The following ANKS3 variants were observed in gnomAD, a reference collection of about 807,000 sequenced individuals.
The protein encoded by ANKS3 is ankyrin repeat and sterile alpha motif domain containing 3, also known as ankyrin repeat and SAM domain-containing protein 3.
ANKS3 carries 62 observed loss-of-function variants against 80.7 expected under a neutral mutation model. The ratio of observed to expected loss-of-function variants is 0.77; its 90% CI spans 0.63 to 0.95. ANKS3 has a LOEUF of 0.95. Among genes scored for constraint, ANKS3 ranks in the 40% least tolerant of loss-of-function variants. The probability of loss-of-function intolerance (pLI) is 0.00; values close to 1 mark genes in which losing one functional copy is unlikely to be tolerated. For synonymous variants in ANKS3, 489 were observed against 355.3 expected (o/e 1.38, Z -4.23); for missense variants, 1,150 against 883.6 (o/e 1.30, Z -3.82).
rs186442968 is a variant in ANKS3 at position 4,701,714 on chromosome 16, G to A, written c.1010-171C>T. On this transcript the variant is annotated intron_variant, in intron 9 of 17. Transcript: ENST00000304283. ...TAAACCCTCCCCTCTATACAGACGG[G>A]CAGGGCTTCTGTCTTTTTTGTTCAC... 6 of 561,430 alleles carry A rather than the reference G, an allele frequency of 1.1e-5. No homozygotes were observed. The South Asian group carries it at 1.3e-4, about 12-fold the overall frequency. 34.8% of individuals were successfully genotyped at this position (561,430 alleles called of 1,614,324 possible).
chr16:4,715,616 T>C (rs1317057023), intron 6 of ANKS3, among the ~76,000 whole-genome samples: 2 of 151,948 alleles, frequency 1.3e-5, no homozygotes, highest in Non-Finnish European at 2.9e-5. Context: ...AAAAGGATCA[T>C]GATACAAAAC....
chr16:4,734,199 GC>G lies in ANKS3; in HGVS notation c.-333del. On this transcript the variant is annotated 5_prime_UTR_variant, in exon 1 of 18. Coordinates refer to ENST00000304283, the MANE Select transcript of ANKS3 (RefSeq NM_133450.4). ...CTTGCGCCGCCCTCGGGCTGCCGTC[GC>G]CAACCCCCCCCAAACAGCTCGCCGC... 1.7e-5 allele frequency: 2 copies of G among 114,668 alleles called. No individual in the cohort carries two copies. The highest frequency in any genetic ancestry group is 2.6e-5 in the Non-Finnish European group (2 of 76,350). 7.1% of individuals were successfully genotyped at this position (114,668 alleles called of 1,614,324 possible). A position where few individuals can be genotyped will look rare whatever the true frequency, so the allele number is the denominator to read the frequency against.
At position 4,701,520 on chromosome 16, in the gene ANKS3, G is replaced by T. The variant is rs1405295973; in HGVS notation, c.1033C>A (p.Leu345Met). 2 of 1,611,250 alleles carry T rather than the reference G, an allele frequency of 1.2e-6. No individual in the cohort carries two copies. Among genetic ancestry groups the T allele is most frequent in the Non-Finnish European group, 1.7e-6 (2 of 1,178,686 alleles). ...SREEHAFCAN[L>M]GPVQSSSSSE... The stretch of plus-strand genomic sequence containing the variant: ...CTGCTGCTGCTCTGGACGGGCCCCA[G>T]GTTGGCACAGAAAGCATGTTCCTCT... Residue 345 changes from leucine to methionine, a missense_variant, in exon 10 of 18, where the codon CTG becomes ATG. Leu to Met is a conservative substitution (Grantham distance 15, BLOSUM62 2). Coordinates refer to ENST00000304283, the MANE Select transcript of ANKS3 (RefSeq NM_133450.4).
rs142828796 is a variant in ANKS3, at chr16:4,708,771, A to C, written c.710-3518T>G. Among the ~76,000 whole-genome samples the C allele has an allele frequency of 6.0e-4, 65 of 109,204 alleles. No individual in the cohort carries two copies. In the East Asian group the frequency reaches 0.024, roughly 40 times the overall value. 71.6% of individuals were successfully genotyped at this position (109,204 alleles called of 152,430 possible). On this transcript the variant is annotated intron_variant, in intron 7 of 17. Transcript: ENST00000304283. ...AACACAGTGAAACCCTGTCTCTACT[A>C]AAAATACAAAAAAAAAATTAGCCAG... is the stretch of plus-strand genomic sequence containing the variant.
chr16:4,723,854 C>A lies in ANKS3; in HGVS notation c.573+896G>T, dbSNP rs187206657. On this transcript the variant is annotated intron_variant, in intron 6 of 17. Transcript: ENST00000304283. ...ATCGCTTGAGCTCAGGAATTCAAGA[C>A]TAGCCTGCACAACATACTGAGACCC... Among the ~76,000 whole-genome samples, 178 of 151,960 alleles carry A rather than the reference C, an allele frequency of 1.2e-3. 1 individual carries two copies. The highest frequency in any genetic ancestry group is 3.9e-3 in the African/African-American group (161 of 41,456).
intron 15 of ANKS3, 148 bp downstream of exon 15, chr16:4,697,829 T>A: frequency 1.3e-6 from 1 of 791,578 alleles, no homozygotes; most frequent in Non-Finnish European, 1.9e-6. Context: ...CCCCCTCTTT[T>A]CCTTGGACTC....
intron 6 of ANKS3, among the ~76,000 whole-genome samples, chr16:4,714,972 C>G (rs1010701526): frequency 1.9e-5 from 2 of 105,094 alleles, no homozygotes; most frequent in Admixed American, 1.5e-4. Flanking sequence ...AGCCTGAAGA[C>G]AGAGTGAGAC....
At chr16:4,723,230 C>G (rs145567432) in intron 6 of ANKS3, among the ~76,000 whole-genome samples, 1 of 152,358 alleles carries the variant, frequency 6.6e-6, no homozygotes, top group Non-Finnish European at 1.5e-5. Flanking sequence ...CTCGTATATT[C>G]ACAGTTGTTC....
At chr16:4,700,725 C>G (rs1567308293) in intron 11 of ANKS3, 1 of 659,760 alleles carries the variant, frequency 1.5e-6, no homozygotes, top group Non-Finnish European at 2.8e-6. Context: ...TCAGGGAGGC[C>G]AACTCCAGTA....
At position 4,696,828 on chromosome 16, in the gene ANKS3, A is replaced by G. The variant is rs841216; in HGVS notation, c.*80T>C. The G allele has an allele frequency of 0.55, 344,796 of 628,962 alleles. 95,479 individuals carry two copies. Among genetic ancestry groups the G allele is most frequent in the East Asian group, 0.66 (24,096 of 36,270 alleles). The allele number at this position is 628,962 out of a possible 1,614,324, so 39.0% of individuals were successfully genotyped here. On this transcript the variant is annotated 3_prime_UTR_variant, in exon 18 of 18. Coordinates refer to ENST00000304283, the MANE Select transcript of ANKS3 (RefSeq NM_133450.4). ...TGGGCCTGGGCTGCACATGGCAGCT[A>G]CCTGCTCACTGTCCTCCTCACTCCC...
rs2081808974 is a variant in ANKS3, at chr16:4,733,937, C to T, written c.-71+1G>A. 1 of 985,432 alleles carries T rather than the reference C, an allele frequency of 1.0e-6. No individual in the cohort carries two copies. Among genetic ancestry groups the T allele is most frequent in the Admixed American group, 6.1e-5 (1 of 16,274 alleles). The allele number at this position is 985,432 out of a possible 1,614,324, so 61.0% of individuals were successfully genotyped here. A position where few individuals can be genotyped will look rare whatever the true frequency, so the allele number is the denominator to read the frequency against. On this transcript the variant is annotated splice_donor_variant, in intron 1 of 17. Transcript: ENST00000304283. LOFTEE classifies it low-confidence loss of function (5UTR_SPLICE). ...CCCTGGCCGACAAACCCGTAACTCACAGCAGTGACGCTTCCCGACGCCCCC... is the reference window on the plus strand; with the variant it reads ...CCCTGGCCGACAAACCCGTAACTCATAGCAGTGACGCTTCCCGACGCCCCC...
rs750046398 is a variant in ANKS3 at position 4,701,430 on chromosome 16, G to A, written c.1119+4C>T. On this transcript the variant is annotated splice_donor_region_variant and intron_variant, in intron 10 of 17. Coordinates refer to ENST00000304283, the MANE Select transcript of ANKS3 (RefSeq NM_133450.4). ...TGGGAGACCAAGAAAGAAAGAATCC[G>A]TACCTCGTTGCTCTCCACAGAAGCT... is the stretch of plus-strand genomic sequence containing the variant. 7.5e-6 allele frequency: 12 copies of A among 1,591,602 alleles called. No homozygotes were observed. Among genetic ancestry groups the A allele is most frequent in the African/African-American group, 4.1e-5 (3 of 74,044 alleles).
Position 4,699,467 on chromosome 16 carries a change from T to A in ANKS3, c.1285-291A>T, listed in dbSNP as rs967978438. On this transcript the variant is annotated intron_variant, in intron 11 of 17. Coordinates refer to ENST00000304283, the MANE Select transcript of ANKS3 (RefSeq NM_133450.4). Reference sequence around the variant, plus strand: ...TTCTGTGAAGGGACCATGGAGCTGCTGATCTCGACAATGCTTTGTAGGCGG... The same window carrying A: ...TTCTGTGAAGGGACCATGGAGCTGCAGATCTCGACAATGCTTTGTAGGCGG... The A allele has an allele frequency of 6.9e-6, 3 of 436,034 alleles. No homozygotes were observed. In the South Asian group the frequency reaches 7.6e-5, roughly 11 times the overall value. 27.0% of individuals were successfully genotyped at this position (436,034 alleles called of 1,614,324 possible).
At position 4,709,406 on chromosome 16, in the gene ANKS3, C is replaced by CA. The variant is rs113125252; in HGVS notation, c.710-4154dup. The stretch of plus-strand genomic sequence containing the variant: ...AGGAAACAAGAGCGAAACTCCATCT[C>CA]AAAAAAAAAAAAAAATTAAAAAATA... On this transcript the variant is annotated intron_variant, in intron 7 of 17. Transcript: ENST00000304283. Among the ~76,000 whole-genome samples, 557 of 103,228 alleles carry CA rather than the reference C, an allele frequency of 5.4e-3. 3 individuals carry two copies. The highest frequency in any genetic ancestry group is 0.012 in the African/African-American group (342 of 27,594). 67.7% of individuals were successfully genotyped at this position (103,228 alleles called of 152,430 possible).
rs2079575113 is a variant in ANKS3 at position 4,696,789 on chromosome 16, C to T, written c.*119G>A. 1.7e-6 allele frequency: 1 copy of T among 584,566 alleles called. No homozygotes were observed. The highest frequency in any genetic ancestry group is 4.6e-4 in the Middle Eastern group (1 of 2,170). 36.2% of individuals were successfully genotyped at this position (584,566 alleles called of 1,614,324 possible). On this transcript the variant is annotated 3_prime_UTR_variant, in exon 18 of 18. Transcript: ENST00000304283. ...CTGCCGGCTGCTCCCGGGGCCTGAT[C>T]CTCTGGCCCCCACTGGGCCTGGGCT...
chr16:4,712,497 CAT>C (rs1192767093), intron 7 of ANKS3, among the ~76,000 whole-genome samples: 2 of 152,058 alleles, frequency 1.3e-5, no homozygotes, highest in African/African-American at 2.4e-5. Flanking sequence ...AATAGTACAA[CAT>C]GTGGGATTTA....
At chr16:4,697,168 G>C (rs557832941) in intron 16 of ANKS3, 64 bp from the exon 17 acceptor site, 24 of 1,581,606 alleles carry the variant, frequency 1.5e-5, no homozygotes, top group African/African-American at 6.7e-5. Flanking sequence ...GTGCTGCCCC[G>C]GGGTCTCAGC....
rs2081375958 is a variant in ANKS3 at position 4,726,794 on chromosome 16, C to T, written c.370-14G>A. The T allele has an allele frequency of 6.2e-7, 1 of 1,610,820 alleles. No homozygotes were observed. The highest frequency in any genetic ancestry group is 8.5e-7 in the Non-Finnish European group (1 of 1,177,404). ...CTCTGCACCTTGCTTCAAGAGAACA[C>T]AGAACGTGCGTTACGGCCTCATCTC... On this transcript the variant is annotated splice_polypyrimidine_tract_variant and intron_variant, in intron 4 of 17. Transcript: ENST00000304283.
intron 8 of ANKS3, among the ~76,000 whole-genome samples, chr16:4,702,729 G>A (rs186439389): frequency 6.6e-6 from 1 of 152,132 alleles, no homozygotes; most frequent in African/African-American, 2.4e-5. Context: ...AGGCCTTGAG[G>A]TAAAAATTAA....
Sources: allele counts gnomAD v4.1 joint callset (sites outside exome capture counted in the v4.1 genomes callset), GRCh38; gene constraint gnomAD v4.1.1; transcripts MANE v1.5; gene names NCBI Gene and HGNC (gene_info 2026-07-23, HGNC 2026-07-21).